The following LRRC7 variants were observed in gnomAD, a reference collection of about 807,000 sequenced individuals.
The protein encoded by LRRC7 is leucine rich repeat containing 7.
A neutral mutation model predicts 175.7 loss-of-function variants in LRRC7; 23 were observed. The observed-to-expected ratio is 0.13, with a 90% CI of 0.09 to 0.19. The LOEUF is 0.19. Among genes scored for constraint, LRRC7 ranks in the 10% least tolerant of loss-of-function variants. The probability of loss-of-function intolerance (pLI) is 1.00; values close to 1 mark genes in which losing one functional copy is unlikely to be tolerated. For missense variants in LRRC7, 1,354 were observed against 1,904.7 expected (o/e 0.71, Z 5.38); for synonymous variants, 685 against 680.9 (o/e 1.01, Z -0.09).
At chr1:69,675,812 T>C (rs969763241) in intron 1 of LRRC7, among the ~76,000 whole-genome samples, 3 of 151,988 alleles carry the variant, frequency 2.0e-5, no homozygotes, top group African/African-American at 7.2e-5. Flanking sequence ...ACACATATAA[T>C]GTTGAAGCAA....
chr1:69,697,163 A>G (rs1662714188), intron 2 of LRRC7, among the ~76,000 whole-genome samples: 1 of 152,200 alleles, frequency 6.6e-6, no homozygotes, highest in Non-Finnish European at 1.5e-5. Context: ...CCTCCAAAGT[A>G]ATCAACTAGT....
At chr1:69,886,289 A>T (rs1414621615) in intron 7 of LRRC7, among the ~76,000 whole-genome samples, 20 of 151,658 alleles carry the variant, frequency 1.3e-4, no homozygotes, top group Admixed American at 5.3e-4. Flanking sequence ...TGCTTTACGA[A>T]TCTGGGTGCT....
intron 25 of LRRC7, among the ~76,000 whole-genome samples, chr1:70,098,581 A>G (rs1365090167): frequency 6.6e-6 from 1 of 151,798 alleles, no homozygotes; most frequent in Non-Finnish European, 1.5e-5. Flanking sequence ...TAGCAAGACT[A>G]ATAAAGAAAA....
Position 70,133,676 on chromosome 1 carries a change from A to G in LRRC7, c.*11789A>G, listed in dbSNP as rs753026509. Among the ~76,000 whole-genome samples the G allele has an allele frequency of 2.6e-5, 4 of 152,208 alleles. No homozygotes were observed. On this transcript the variant is annotated 3_prime_UTR_variant, in exon 27 of 27. Coordinates refer to ENST00000651989, the MANE Select transcript of LRRC7 (RefSeq NM_001370785.2). ...TTTTTTACTAAACCTCTCAGATTGT[A>G]TCAATCACCCAAAACCTAATGAGAC... is the stretch of plus-strand genomic sequence containing the variant.
At chr1:69,954,394 A>C (rs1650276890) in intron 8 of LRRC7, among the ~76,000 whole-genome samples, 1 of 152,054 alleles carries the variant, frequency 6.6e-6, no homozygotes, top group South Asian at 2.1e-4. Context: ...CAATTTAATA[A>C]AAGCAAAAAT....
At chr1:69,763,682 A>G (rs996320759) in intron 3 of LRRC7, among the ~76,000 whole-genome samples, 1 of 152,070 alleles carries the variant, frequency 6.6e-6, no homozygotes, top group Admixed American at 6.6e-5. Flanking sequence ...CAGGAGGAAA[A>G]ATGCCTCAAA....
At chr1:69,915,491 C>T (rs1646658210) in intron 7 of LRRC7, among the ~76,000 whole-genome samples, 2 of 151,980 alleles carry the variant, frequency 1.3e-5, no homozygotes, top group African/African-American at 4.8e-5. Context: ...TAAGAAATGT[C>T]CTGCAGGAAA....
intron 1 of LRRC7, among the ~76,000 whole-genome samples, chr1:69,584,862 G>A (rs974791124): frequency 6.6e-6 from 1 of 151,910 alleles, no homozygotes; most frequent in South Asian, 2.1e-4. Context: ...AAAAGGCCTT[G>A]TTTCCTACCA....
At chr1:70,075,941 T>C in intron 23 of LRRC7, 136 bp from the exon 24 acceptor site, 1 of 825,928 alleles carries the variant, frequency 1.2e-6, no homozygotes, top group Non-Finnish European at 1.9e-6. Flanking sequence ...TACTGTTTCT[T>C]CATTATCCTT....
At chr1:69,686,889 T>C (rs1395111950) in intron 2 of LRRC7, among the ~76,000 whole-genome samples, 1 of 151,724 alleles carries the variant, frequency 6.6e-6, no homozygotes, top group Non-Finnish European at 1.5e-5. Flanking sequence ...AAAAAAAAGG[T>C]TAAATATAAA....
chr1:69,742,639 A>G (rs1668834589), intron 2 of LRRC7, among the ~76,000 whole-genome samples: 1 of 151,956 alleles, frequency 6.6e-6, no homozygotes, highest in African/African-American at 2.4e-5. Flanking sequence ...AATGTTTACT[A>G]AATTTTGCAG....
intron 8 of LRRC7, among the ~76,000 whole-genome samples, chr1:69,979,359 A>C (rs1312522268): frequency 1.3e-5 from 2 of 152,262 alleles, no homozygotes; most frequent in Non-Finnish European, 2.9e-5. Context: ...TGATGTTGGC[A>C]GCAATAGCAA....
At chr1:69,850,858 T>C (rs1409274800) in intron 7 of LRRC7, among the ~76,000 whole-genome samples, 2 of 152,062 alleles carry the variant, frequency 1.3e-5, no homozygotes, top group Admixed American at 6.6e-5. Context: ...CTCAGGGAGA[T>C]AGATAAATTT....
chr1:69,614,243 A>G (rs1619463), intron 1 of LRRC7, among the ~76,000 whole-genome samples: 19,524 of 151,826 alleles, frequency 0.13, 1,602 homozygotes, highest in South Asian at 0.19. Flanking sequence ...GCTCGAAGTG[A>G]CACATGTGAT....
chr1:70,125,770 C>A lies in LRRC7; in HGVS notation c.*3883C>A, dbSNP rs1354216010. Among the ~76,000 whole-genome samples the A allele has an allele frequency of 1.9e-5, 2 of 104,694 alleles. No homozygotes were observed. The highest frequency in any genetic ancestry group is 3.4e-5 in the Non-Finnish European group (2 of 57,992). The allele number at this position is 104,694 out of a possible 152,430, so 68.7% of individuals were successfully genotyped here. On this transcript the variant is annotated 3_prime_UTR_variant, in exon 27 of 27. Coordinates refer to ENST00000651989, the MANE Select transcript of LRRC7 (RefSeq NM_001370785.2). ...TCCCGCCACTGCACTCCAGCCTGGG[C>A]GACAGAGCGAGACTCCGTCTCAAAA...
intron 1 of LRRC7, among the ~76,000 whole-genome samples, chr1:69,592,350 G>A (rs1646670508): frequency 6.6e-6 from 1 of 152,012 alleles, no homozygotes; most frequent in Non-Finnish European, 1.5e-5. Flanking sequence ...TCAAATTCAG[G>A]CAGATTGTAT....
chr1:69,840,063 C>T (rs868228750), intron 7 of LRRC7, among the ~76,000 whole-genome samples: 2 of 151,964 alleles, frequency 1.3e-5, no homozygotes, highest in African/African-American at 2.4e-5. Flanking sequence ...TTGATAGACT[C>T]ATACACATAT....
intron 26 of LRRC7, among the ~76,000 whole-genome samples, chr1:70,111,451 A>G (rs1004301121): frequency 1.3e-4 from 20 of 152,208 alleles, no homozygotes; most frequent in Admixed American, 3.9e-4. Flanking sequence ...GTTAAGTTCA[A>G]TTATATAACA....
intron 5 of LRRC7, among the ~76,000 whole-genome samples, chr1:69,828,755 T>C (rs1210724804): frequency 1.3e-5 from 2 of 152,168 alleles, no homozygotes; most frequent in Admixed American, 6.5e-5. Context: ...TTAAGCTGCA[T>C]AAATGAAGAT....
Sources: gnomAD v4.1 joint callset for allele counts (sites outside exome capture counted in the v4.1 genomes callset) on GRCh38, gnomAD v4.1.1 for gene constraint, MANE v1.5 for transcripts, NCBI Gene and HGNC (gene_info 2026-07-23, HGNC 2026-07-21) for gene names.